Variants in TCEANC2 observed in about 807,000 individuals in gnomAD.
TCEANC2 encodes transcription elongation factor A N-terminal and central domain containing 2.
Under a neutral mutation model 22.8 loss-of-function variants are expected in TCEANC2, and 20 were observed. That is an observed-to-expected ratio of 0.88 (90% CI 0.62 to 1.28). The LOEUF (loss-of-function observed/expected upper bound fraction) is 1.28. TCEANC2 is among the 50% of genes most tolerant of loss of function. TCEANC2 has a pLI of 0.00. For missense variants in TCEANC2, 251 were observed against 249.7 expected, an observed-to-expected ratio of 1.01 and a Z score of -0.03; for synonymous variants, 84 against 95.5, an observed-to-expected ratio of 0.88 and a Z score of 0.70.
chr1:54,112,352 C>A (rs896014978), exon 5 of TCEANC2: 1 of 152,054 alleles, frequency 6.6e-6, no homozygotes, highest in Non-Finnish European at 1.5e-5. Flanking sequence ...GCGACAGAGA[C>A]CCTGTCTCAA....
rs901417388 is a variant in TCEANC2 at position 54,104,786 on chromosome 1, C to T, written c.*8313C>T. ...TGAACTTCTGGCCTCAAGCAGTCCA[C>T]CTGCCTCAGCTTCCCAAAGTGCTGG... On this transcript the variant is annotated 3_prime_UTR_variant, in exon 5 of 5. Coordinates refer to ENST00000234827, the MANE Select transcript of TCEANC2 (RefSeq NM_153035.3). The T allele has an allele frequency of 6.2e-5, 26 of 418,420 alleles. No homozygotes were observed. Among genetic ancestry groups the T allele is most frequent in the Non-Finnish European group, 1.2e-4 (25 of 205,628 alleles). 25.9% of individuals were successfully genotyped at this position (418,420 alleles called of 1,614,324 possible). A position where few individuals can be genotyped will look rare whatever the true frequency, so the allele number is the denominator to read the frequency against.
intron 2 of TCEANC2, among the ~76,000 whole-genome samples, chr1:54,064,579 A>G (rs1288997217): frequency 1.3e-5 from 2 of 151,916 alleles, no homozygotes; most frequent in Admixed American, 6.6e-5. Context: ...ACAAAGTTAC[A>G]CCCTATGCAA....
intron 2 of TCEANC2, among the ~76,000 whole-genome samples, chr1:54,065,260 C>T (rs1657931453): frequency 1.3e-5 from 2 of 151,944 alleles, no homozygotes; most frequent in South Asian, 4.1e-4. Context: ...TTTAGGATTT[C>T]TAAAGAAGTA....
At chr1:54,094,087 C>T (rs1024833261) in intron 4 of TCEANC2, among the ~76,000 whole-genome samples, 1 of 152,194 alleles carries the variant, frequency 6.6e-6, no homozygotes, top group Non-Finnish European at 1.5e-5. Context: ...CAAGTCCACT[C>T]ACTCCAGCAC....
In TCEANC2 at chr1:54,098,064, C is replaced by A. The variant is rs1016768707; in HGVS notation, c.*1591C>A. 1 of 152,182 alleles carries A rather than the reference C, an allele frequency of 6.6e-6. No individual in the cohort carries two copies. The highest frequency in any genetic ancestry group is 1.5e-5 in the Non-Finnish European group (1 of 68,028). The allele number at this position is 152,182 out of a possible 1,614,324, so 9.4% of individuals were successfully genotyped here. A position where few individuals can be genotyped will look rare whatever the true frequency, so the allele number is the denominator to read the frequency against. ...GTTGCCTTGGATGATTTCATCTACT[C>A]TCATGTTTTCAAGCATCATTTACAT... is the stretch of plus-strand genomic sequence containing the variant. On this transcript the variant is annotated 3_prime_UTR_variant, in exon 5 of 5. Coordinates refer to ENST00000234827, the MANE Select transcript of TCEANC2 (RefSeq NM_153035.3).
chr1:54,080,492 C>T (rs544302224), intron 3 of TCEANC2, among the ~76,000 whole-genome samples: 1 of 152,302 alleles, frequency 6.6e-6, no homozygotes, highest in East Asian at 1.9e-4. Flanking sequence ...TCATGGTGTT[C>T]CCTGACCCCT....
In TCEANC2 at chr1:54,112,498, C is replaced by T. The variant is rs915035840; in HGVS notation, n.2517C>T. 2.6e-5 allele frequency: 4 copies of T among 152,004 alleles called. No individual in the cohort carries two copies. The South Asian group carries it at 6.2e-4, about 24-fold the overall frequency. 9.4% of individuals were successfully genotyped at this position (152,004 alleles called of 1,614,324 possible). A position where few individuals can be genotyped will look rare whatever the true frequency, so the allele number is the denominator to read the frequency against. On this transcript the variant is annotated non_coding_transcript_exon_variant, in exon 5 of 5. Coordinates refer to the TCEANC2 transcript ENST00000498272. ...CATTGTTTGAAATTTCAATAATTTACGTGAATAAAGGAATTCTGCATATGT... is the reference window on the plus strand; with the variant it reads ...CATTGTTTGAAATTTCAATAATTTATGTGAATAAAGGAATTCTGCATATGT...
intron 3 of TCEANC2, among the ~76,000 whole-genome samples, chr1:54,083,583 A>G (rs78919730): frequency 0.022 from 3,306 of 152,282 alleles, 67 homozygotes; most frequent in Middle Eastern, 0.078. Context: ...GGACTTCTGT[A>G]TTATTTCTCA....
intron 3 of TCEANC2, 65 bp downstream of exon 3, chr1:54,068,962 C>G: frequency 7.2e-7 from 1 of 1,394,474 alleles, no homozygotes; most frequent in Non-Finnish European, 9.3e-7. Context: ...TTCTTTCCTT[C>G]CTCTCTCCTT....
At chr1:54,078,738 C>T (rs1289948617) in intron 3 of TCEANC2, among the ~76,000 whole-genome samples, 1 of 151,974 alleles carries the variant, frequency 6.6e-6, no homozygotes, top group Non-Finnish European at 1.5e-5. Context: ...GATGAATTCT[C>T]TAAGTAAAAG....
chr1:54,101,219 A>C lies in TCEANC2; in HGVS notation c.*4746A>C, dbSNP rs1224313024. 6.6e-6 allele frequency: 1 copy of C among 152,216 alleles called. No homozygotes were observed. The highest frequency in any genetic ancestry group is 2.4e-5 in the African/African-American group (1 of 41,456). The allele number at this position is 152,216 out of a possible 1,614,324, so 9.4% of individuals were successfully genotyped here. ...AATGTGTTTTGAATGTGTTTATCAC[A>C]GCCAGATGGGGCAAAGGCTCAGTTT... On this transcript the variant is annotated 3_prime_UTR_variant, in exon 5 of 5. Coordinates refer to ENST00000234827, the MANE Select transcript of TCEANC2 (RefSeq NM_153035.3).
intron 4 of TCEANC2, among the ~76,000 whole-genome samples, chr1:54,094,835 CAAACTT>C (rs1658515068): frequency 6.6e-6 from 1 of 152,080 alleles, no homozygotes; most frequent in African/African-American, 2.4e-5. Context: ...CTAGGAGAGA[CAAACTT>C]AAAATATAGA....
At chr1:54,082,335 T>C (rs752160429) in intron 3 of TCEANC2, among the ~76,000 whole-genome samples, 7 of 152,252 alleles carry the variant, frequency 4.6e-5, no homozygotes, top group Non-Finnish European at 8.8e-5. Context: ...TTATTTTGTT[T>C]GCAGTTGTGT....
intron 3 of TCEANC2, among the ~76,000 whole-genome samples, chr1:54,072,385 T>TC (rs1448087808): frequency 2.0e-5 from 3 of 149,024 alleles, no homozygotes; most frequent in Admixed American, 6.6e-5. Flanking sequence ...ATTTGCTTTA[T>TC]CCCCCCCAAA....
At position 54,102,757 on chromosome 1, in the gene TCEANC2, T is replaced by C. The variant is rs1658683775; in HGVS notation, c.*6284T>C. On this transcript the variant is annotated 3_prime_UTR_variant, in exon 5 of 5. Transcript: ENST00000234827. Reference sequence around the variant, plus strand: ...GAGAAAAAAAGCCATGCCTTATCCTTAGATAGGTCAGCTCAGTGTGTGTGA... The same window carrying C: ...GAGAAAAAAAGCCATGCCTTATCCTCAGATAGGTCAGCTCAGTGTGTGTGA... 6.6e-6 allele frequency: 1 copy of C among 152,204 alleles called. No homozygotes were observed. Among genetic ancestry groups the C allele is most frequent in the Non-Finnish European group, 1.5e-5 (1 of 68,058 alleles). The allele number at this position is 152,204 out of a possible 1,614,324, so 9.4% of individuals were successfully genotyped here.
chr1:54,054,158 G>A (rs1396465450), intron 1 of TCEANC2: 1 of 1,152,070 alleles, frequency 8.7e-7, no homozygotes, highest in Non-Finnish European at 1.2e-6. Flanking sequence ...TGCACTTCTG[G>A]AAGCTAGGAA....
At chr1:54,059,490 C>T (rs1217615748) in intron 2 of TCEANC2, among the ~76,000 whole-genome samples, 4 of 152,148 alleles carry the variant, frequency 2.6e-5, no homozygotes, top group East Asian at 1.9e-4. Flanking sequence ...TGCCCTTGGA[C>T]GTAGCACAGT....
At position 54,096,874 on chromosome 1, in the gene TCEANC2, C is replaced by T. The variant is rs1658567311; in HGVS notation, c.*401C>T. On this transcript the variant is annotated 3_prime_UTR_variant, in exon 5 of 5. Coordinates refer to ENST00000234827, the MANE Select transcript of TCEANC2 (RefSeq NM_153035.3). The surrounding 1 kb of genome is among the most constrained non-coding windows in gnomAD (Gnocchi z 4.9). ...CTGAAACTCAATTACCGCTGCCGCT[C>T]ACTCGGTTCCATCCCCCTGAGTTTA... 35 of 991,460 alleles carry T rather than the reference C, an allele frequency of 3.5e-5. No individual in the cohort carries two copies. Among genetic ancestry groups the T allele is most frequent in the Non-Finnish European group, 4.2e-5 (35 of 833,464 alleles). 61.4% of individuals were successfully genotyped at this position (991,460 alleles called of 1,614,324 possible). A position where few individuals can be genotyped will look rare whatever the true frequency, so the allele number is the denominator to read the frequency against.
At chr1:54,082,148 C>T (rs897875880) in intron 3 of TCEANC2, among the ~76,000 whole-genome samples, 5 of 152,064 alleles carry the variant, frequency 3.3e-5, no homozygotes, top group African/African-American at 1.2e-4. Context: ...GTTTAGGTTT[C>T]TCATTTGTAA....
Sources: gnomAD v4.1 joint callset for allele counts (sites outside exome capture counted in the v4.1 genomes callset) on GRCh38, gnomAD v4.1.1 for gene constraint, Gnocchi (gnomAD v3.1) non-coding constraint, MANE v1.5 for transcripts, NCBI Gene and HGNC (gene_info 2026-07-23, HGNC 2026-07-21) for gene names.